Variants in GATA4 observed in about 807,000 individuals in gnomAD.
GATA4 encodes the protein transcription factor GATA-4.
In GATA4, 7 loss-of-function variants were observed where a neutral mutation model predicts 37.9. The observed-to-expected ratio is 0.18, with a 90% CI of 0.11 to 0.35. The LOEUF (loss-of-function observed/expected upper bound fraction) is 0.35, where lower values mean the gene tolerates loss of function less well. Among genes scored for constraint, GATA4 ranks in the 10% least tolerant of loss-of-function variants. The pLI is 1.00. For synonymous variants in GATA4, 372 were observed against 292.6 expected, an observed-to-expected ratio of 1.27 and a Z score of -2.77; for missense variants, 647 against 653.0, an observed-to-expected ratio of 0.99 and a Z score of 0.10.
Position 11,750,153 on chromosome 8 carries a change from A to G in GATA4, c.829A>G (p.Thr277Ala). The G allele has an allele frequency of 6.2e-7, 1 of 1,613,264 alleles. No individual in the cohort carries two copies. The highest frequency in any genetic ancestry group is 8.5e-7 in the Non-Finnish European group (1 of 1,179,768). Reference protein sequence around the residue: ...RVGLSCANCQTTTTTLWRRNA... With the variant: ...RVGLSCANCQATTTTLWRRNA... The stretch of plus-strand genomic sequence containing the variant: ...GGGCCTCTCCTGTGCCAACTGCCAG[A>G]CCACCACCACCACGCTGTGGCGCCG... Residue 277 changes from threonine (T) to alanine (A), a missense_variant, in exon 4 of 7, where the codon ACC becomes GCC. Transcript: ENST00000532059.
intron 2 of GATA4, among the ~76,000 whole-genome samples, chr8:11,720,070 TG>T (rs1800602188): frequency 6.6e-6 from 1 of 151,894 alleles, no homozygotes; most frequent in Non-Finnish European, 1.5e-5. Context: ...GAAAGCACAT[TG>T]GTCTGGCGCG....
chr8:11,692,029 T>C (rs1799329462), upstream of GATA4: 4 of 985,314 alleles, frequency 4.1e-6, no homozygotes, highest in South Asian at 9.4e-5. Context: ...GATCTGTTCA[T>C]GATCCTCACC....
intron 5 of GATA4, chr8:11,756,492 A>T (rs1802575542): frequency 4.5e-6 from 1 of 222,256 alleles, no homozygotes; most frequent in Non-Finnish European, 9.1e-6. Context: ...AAGATTCGGC[A>T]GCAAAACCTA....
chr8:11,681,179 T>A (rs1798959292), intron 1 of GATA4: 1 of 985,338 alleles, frequency 1.0e-6, no homozygotes. Flanking sequence ...CTTCGGGGGT[T>A]AGTCACAGGC....
At chr8:11,681,329 G>A (rs1798963800) in intron 1 of GATA4, 1 of 985,220 alleles carries the variant, frequency 1.0e-6, no homozygotes, top group South Asian at 4.7e-5. Flanking sequence ...CTCGACCTGC[G>A]CCCCAACCCA....
At position 11,709,766 on chromosome 8, in the gene GATA4, AC is replaced by A; in HGVS notation, c.616+839del. Among the ~76,000 whole-genome samples, 1 of 152,308 alleles carries A rather than the reference AC, an allele frequency of 6.6e-6. No individual in the cohort carries two copies. The highest frequency in any genetic ancestry group is 1.9e-4 in the East Asian group (1 of 5,166). The stretch of plus-strand genomic sequence containing the variant: ...ATGCAGTGTTTCCATCGGATGTCAG[AC>A]GGGGAGGGACGGCAAACCTGTCTCA... On this transcript the variant is annotated intron_variant, in intron 2 of 6. Transcript: ENST00000532059. This position sits in a 1 kb window ranked among gnomAD's most constrained non-coding sequence, Gnocchi z 4.3.
intron 2 of GATA4, among the ~76,000 whole-genome samples, chr8:11,727,230 T>C (rs1033884296): frequency 2.6e-5 from 4 of 152,194 alleles, no homozygotes; most frequent in Non-Finnish European, 5.9e-5. Flanking sequence ...AATGTTGATA[T>C]TGAGTTTCCT....
At chr8:11,731,925 C>T (rs1801231067) in intron 2 of GATA4, among the ~76,000 whole-genome samples, 1 of 152,186 alleles carries the variant, frequency 6.6e-6, no homozygotes, top group Non-Finnish European at 1.5e-5. Context: ...ACAAGATTGC[C>T]TTTCTGGCTC....
intron 2 of GATA4, among the ~76,000 whole-genome samples, chr8:11,730,943 C>T (rs372343798): frequency 1.9e-4 from 29 of 152,328 alleles, no homozygotes; most frequent in African/African-American, 7.0e-4. Context: ...TGGCCCAGTG[C>T]CCACTGAGGT....
upstream of GATA4, among the ~76,000 whole-genome samples, chr8:11,692,342 A>G (rs1242308822): frequency 6.6e-6 from 1 of 152,250 alleles, no homozygotes; most frequent in Non-Finnish European, 1.5e-5. Context: ...CCATGAGAAC[A>G]TTAGAAACGT....
At chr8:11,725,017 C>T (rs776809076) in intron 2 of GATA4, among the ~76,000 whole-genome samples, 7 of 152,248 alleles carry the variant, frequency 4.6e-5, no homozygotes, top group Admixed American at 1.3e-4. Context: ...GTCATCCTGA[C>T]GTTGCCCGCT....
intron 4 of GATA4, among the ~76,000 whole-genome samples, chr8:11,750,929 A>G (rs753800854): frequency 6.9e-6 from 1 of 144,496 alleles, no homozygotes; most frequent in Non-Finnish European, 1.5e-5. Context: ...CCTGAGTGAC[A>G]AAGTGAGACC....
At chr8:11,693,287 G>A (rs1457921100) in intron 1 of GATA4, among the ~76,000 whole-genome samples, 2 of 152,136 alleles carry the variant, frequency 1.3e-5, no homozygotes, top group East Asian at 3.9e-4. Flanking sequence ...GCACCATGGC[G>A]AAACTCCATC....
intron 1 of GATA4, chr8:11,697,909 G>C (rs903287128): frequency 3.0e-6 from 3 of 985,372 alleles, no homozygotes; most frequent in South Asian, 4.7e-5. Flanking sequence ...ATCTCTGGGG[G>C]ACCCACCAGT....
At chr8:11,736,796 A>T (rs1021830486) in intron 2 of GATA4, among the ~76,000 whole-genome samples, 8 of 152,138 alleles carry the variant, frequency 5.3e-5, no homozygotes. Flanking sequence ...ATTTGATCTG[A>T]TATTATCTAG....
chr8:11,714,036 C>T (rs1800322185), intron 2 of GATA4, among the ~76,000 whole-genome samples: 1 of 152,152 alleles, frequency 6.6e-6, no homozygotes, highest in South Asian at 2.1e-4. Context: ...CCAGTTAATG[C>T]TTGTGAGTAC....
At chr8:11,711,747 C>CAAAAAAA (rs71205018) in intron 2 of GATA4, among the ~76,000 whole-genome samples, 1 of 56,862 alleles carries the variant, frequency 1.8e-5, no homozygotes, top group Non-Finnish European at 3.4e-5. Flanking sequence ...GACCCTCTCT[C>CAAAAAAA]AAAAAAAAAA....
Position 11,704,269 on chromosome 8 carries a change from C to T in GATA4, c.-493C>T, listed in dbSNP as rs1442520080. ...GTCGCCGCTGCAGCTCCGGGGGCTC[C>T]CAGGGGAGCGTGCGCGGAACCTCCA... On this transcript the variant is annotated 5_prime_UTR_variant, in exon 1 of 7. Coordinates refer to ENST00000532059, the MANE Select transcript of GATA4 (RefSeq NM_001308093.3). 1.3e-5 allele frequency: 2 copies of T among 152,218 alleles called. No individual in the cohort carries two copies. Among genetic ancestry groups the T allele is most frequent in the Non-Finnish European group, 2.9e-5 (2 of 68,046 alleles). 9.4% of individuals were successfully genotyped at this position (152,218 alleles called of 1,614,324 possible).
upstream of GATA4, among the ~76,000 whole-genome samples, chr8:11,701,055 A>G (rs575993354): frequency 6.6e-6 from 1 of 152,294 alleles, no homozygotes; most frequent in African/African-American, 2.4e-5. Context: ...TCTGTACACA[A>G]TACGCAGCGT....
Sources: allele counts gnomAD v4.1 joint callset (sites outside exome capture counted in the v4.1 genomes callset), GRCh38; gene constraint gnomAD v4.1.1; non-coding constraint Gnocchi (gnomAD v3.1); transcripts MANE v1.5; gene names NCBI Gene and HGNC (gene_info 2026-07-23, HGNC 2026-07-21).